Variants in TC2N observed in about 807,000 individuals in gnomAD.
TC2N encodes tandem C2 domains nuclear protein.
Under a neutral mutation model 61.9 loss-of-function variants are expected in TC2N, and 51 were observed. The ratio of observed to expected loss-of-function variants is 0.82; its 90% CI spans 0.66 to 1.04. The LOEUF (loss-of-function observed/expected upper bound fraction) is 1.04. Among genes scored for constraint, TC2N ranks in the 50% least tolerant of loss-of-function variants. TC2N has a pLI of 0.00. For synonymous variants in TC2N, 204 were observed against 192.6 expected (o/e 1.06, Z -0.49); for missense variants, 556 against 566.7 (o/e 0.98, Z 0.19).
rs1470167994 is a variant in TC2N at position 91,798,290 on chromosome 14, C to A, written c.738+9G>T. 35 of 1,392,140 alleles carry A rather than the reference C, an allele frequency of 2.5e-5. No individual in the cohort carries two copies. The highest frequency in any genetic ancestry group is 3.5e-5 in the Non-Finnish European group (35 of 1,004,002). 86.2% of individuals were successfully genotyped at this position (1,392,140 alleles called of 1,614,324 possible). A position where few individuals can be genotyped will look rare whatever the true frequency, so the allele number is the denominator to read the frequency against. On this transcript the variant is annotated intron_variant, in intron 7 of 11. Coordinates refer to ENST00000435962, the MANE Select transcript of TC2N (RefSeq NM_001128596.3). The stretch of plus-strand genomic sequence containing the variant: ...GTAATAAAAGCTGGTATTAACTATA[C>A]TAATTTACCTGTAAAACTGTGATCC...
chr14:91,853,620 T>C (rs1888418466), intron 1 of TC2N, among the ~76,000 whole-genome samples: 1 of 118,612 alleles, frequency 8.4e-6, no homozygotes, highest in Admixed American at 9.0e-5. Context: ...CACTGAATTC[T>C]CTGCTTGGAT....
At chr14:91,862,458 C>T (rs1409245272) in intron 1 of TC2N, among the ~76,000 whole-genome samples, 1 of 152,094 alleles carries the variant, frequency 6.6e-6, no homozygotes, top group East Asian at 1.9e-4. Flanking sequence ...TCTTGGTTTT[C>T]ACCTCAGCCG....
intron 1 of TC2N, among the ~76,000 whole-genome samples, chr14:91,863,176 C>G (rs1888628595): frequency 6.6e-6 from 1 of 152,156 alleles, no homozygotes; most frequent in Admixed American, 6.6e-5. Flanking sequence ...CAAAATAAGA[C>G]AAAACAAAAC....
At chr14:91,824,024 T>G (rs1887382640) in intron 1 of TC2N, among the ~76,000 whole-genome samples, 1 of 152,208 alleles carries the variant, frequency 6.6e-6, no homozygotes, top group South Asian at 2.1e-4. Context: ...GCGGCATCAT[T>G]ATTATATTTA....
At chr14:91,829,727 T>C (rs7150240) in intron 1 of TC2N, among the ~76,000 whole-genome samples, 70,970 of 151,962 alleles carry the variant, frequency 0.47, 17,815 homozygotes, top group Non-Finnish European at 0.55. Context: ...TCCTACTTCC[T>C]TGTACAGCTG....
intron 1 of TC2N, among the ~76,000 whole-genome samples, chr14:91,865,303 T>A (rs1331845885): frequency 6.6e-6 from 1 of 151,120 alleles, no homozygotes; most frequent in Non-Finnish European, 1.5e-5. Flanking sequence ...GAGGCTTTCA[T>A]CCCCGCAAAA....
At chr14:91,803,780 C>A (rs1033784267) in intron 3 of TC2N, among the ~76,000 whole-genome samples, 3 of 152,088 alleles carry the variant, frequency 2.0e-5, no homozygotes, top group Non-Finnish European at 4.4e-5. Flanking sequence ...TTTTAATAAA[C>A]TAAACTACAT....
intron 1 of TC2N, among the ~76,000 whole-genome samples, chr14:91,852,015 T>C (rs1447339087): frequency 6.6e-6 from 1 of 152,266 alleles, no homozygotes; most frequent in African/African-American, 2.4e-5. Context: ...GTATCATTGC[T>C]CATTCAATGC....
chr14:91,818,441 A>G (rs139180054), intron 1 of TC2N, among the ~76,000 whole-genome samples: 2,959 of 152,270 alleles, frequency 0.019, 94 homozygotes, highest in African/African-American at 0.067. Context: ...CTGTGTCCCA[A>G]AGCAAATTTA....
At chr14:91,848,366 C>T (rs1296539733) in intron 1 of TC2N, among the ~76,000 whole-genome samples, 1 of 152,148 alleles carries the variant, frequency 6.6e-6, no homozygotes, top group East Asian at 1.9e-4. Flanking sequence ...GTAAGCCAGT[C>T]GAGGGTCTAG....
At chr14:91,828,347 A>G (rs28539023) in intron 1 of TC2N, among the ~76,000 whole-genome samples, 10,054 of 152,148 alleles carry the variant, frequency 0.066, 1,002 homozygotes, top group African/African-American at 0.21. Context: ...TGAAAACAAA[A>G]ATCAAGATAT....
intron 1 of TC2N, among the ~76,000 whole-genome samples, chr14:91,818,855 T>C (rs1306267661): frequency 1.3e-5 from 2 of 151,786 alleles, no homozygotes. Flanking sequence ...AAGACTAACA[T>C]CAAAATGATA....
intron 1 of TC2N, among the ~76,000 whole-genome samples, chr14:91,858,760 T>C (rs1367227969): frequency 6.6e-6 from 1 of 152,142 alleles, no homozygotes; most frequent in Non-Finnish European, 1.5e-5. Context: ...TGTCACTCAC[T>C]CAGGAAGTGA....
At chr14:91,805,435 G>A (rs904687679) in intron 3 of TC2N, among the ~76,000 whole-genome samples, 12 of 152,210 alleles carry the variant, frequency 7.9e-5, no homozygotes, top group East Asian at 5.8e-4. Context: ...TTGAAAGGGC[G>A]AGGTGGGCAG....
At chr14:91,789,375 T>C (rs1158318975) in intron 9 of TC2N, among the ~76,000 whole-genome samples, 1 of 150,714 alleles carries the variant, frequency 6.6e-6, no homozygotes, top group Non-Finnish European at 1.5e-5. Flanking sequence ...GGCAGGCGGA[T>C]CACGAGGTCA....
At position 91,793,930 on chromosome 14, in the gene TC2N, CT is replaced by C. The variant is rs565567506; in HGVS notation, c.856-1373del. ...AGCCGAGACAGACCAAAAGCTAGGC[CT>C]TTTATACCACTTAGTCAAGTTGTGA... On this transcript the variant is annotated intron_variant, in intron 8 of 11. Coordinates refer to ENST00000435962, the MANE Select transcript of TC2N (RefSeq NM_001128596.3). 2.5e-3 allele frequency among the ~76,000 whole-genome samples: 377 copies of C among 152,148 alleles called. 8 individuals are homozygous for C. The South Asian group carries it at 0.054, about 22-fold the overall frequency.
At chr14:91,815,439 A>AAGAT (rs1466910543) in intron 1 of TC2N, among the ~76,000 whole-genome samples, 1 of 151,586 alleles carries the variant, frequency 6.6e-6, no homozygotes, top group Non-Finnish European at 1.5e-5. Context: ...CACCACAAAT[A>AAGAT]AGATATAGAG....
rs1213999931 is a variant in TC2N at position 91,842,750 on chromosome 14, G to T, written c.-57+24512C>A. 2.6e-5 allele frequency among the ~76,000 whole-genome samples: 4 copies of T among 152,152 alleles called. No homozygotes were observed. In the East Asian group the frequency reaches 5.8e-4, roughly 22 times the overall value. Reference sequence around the variant, plus strand: ...TGAGCGTTAGCGTTGAGATATGATAGCTACCATCAATACCACAGAAGGGAC... The same window carrying T: ...TGAGCGTTAGCGTTGAGATATGATATCTACCATCAATACCACAGAAGGGAC... On this transcript the variant is annotated intron_variant, in intron 1 of 11. Transcript: ENST00000435962.
chr14:91,793,555 C>T (rs937015036), intron 8 of TC2N, among the ~76,000 whole-genome samples: 1 of 152,194 alleles, frequency 6.6e-6, no homozygotes, highest in African/African-American at 2.4e-5. Context: ...TGGTAATTCT[C>T]ATAATAGTTC....
Sources: allele counts gnomAD v4.1 joint callset (sites outside exome capture counted in the v4.1 genomes callset), GRCh38; gene constraint gnomAD v4.1.1; transcripts MANE v1.5; gene names NCBI Gene and HGNC (gene_info 2026-07-23, HGNC 2026-07-21).